NKAIN3: variants seen among roughly 807,000 people sequenced by gnomAD.
The protein encoded by NKAIN3 is sodium/potassium-transporting ATPase subunit beta-1-interacting protein 3.
Under a neutral mutation model 30.2 loss-of-function variants are expected in NKAIN3, and 25 were observed. That is an observed-to-expected ratio of 0.83 (90% CI 0.60 to 1.16). The LOEUF (loss-of-function observed/expected upper bound fraction) is 1.16, where lower values mean the gene tolerates loss of function less well. Among genes scored for constraint, NKAIN3 ranks in the 50% most tolerant of loss-of-function variants. The pLI is 0.00. For synonymous variants in NKAIN3, 91 were observed against 89.6 expected, an observed-to-expected ratio of 1.02 and a Z score of -0.09; for missense variants, 225 against 254.1, an observed-to-expected ratio of 0.89 and a Z score of 0.78.
At position 62,927,533 on chromosome 8, in the gene NKAIN3, C is replaced by T. The variant is rs1414454195; in HGVS notation, c.532+9020C>T. Reference sequence around the variant, plus strand: ...ACAAATATTTAAGTGATGTATATCCCAAGTACACTGATTTGATCTTTGCAA... The same window carrying T: ...ACAAATATTTAAGTGATGTATATCCTAAGTACACTGATTTGATCTTTGCAA... On this transcript the variant is annotated intron_variant, in intron 5 of 6. Transcript: ENST00000623646. Among the ~76,000 whole-genome samples the T allele has an allele frequency of 2.0e-5, 3 of 151,960 alleles. No individual in the cohort carries two copies. In the East Asian group the frequency reaches 5.8e-4, roughly 29 times the overall value.
At chr8:62,809,638 T>G (rs944831115) in intron 4 of NKAIN3, among the ~76,000 whole-genome samples, 19 of 152,322 alleles carry the variant, frequency 1.2e-4, no homozygotes, top group African/African-American at 4.6e-4. Context: ...GCATTTATCT[T>G]ATCAAAATAA....
intron 1 of NKAIN3, among the ~76,000 whole-genome samples, chr8:62,374,897 C>G (rs1817027968): frequency 6.6e-6 from 1 of 152,120 alleles, no homozygotes; most frequent in East Asian, 1.9e-4. Context: ...ACAACTAAAT[C>G]CTGTATGCAC....
At chr8:62,316,908 C>G (rs1814656603) in intron 1 of NKAIN3, among the ~76,000 whole-genome samples, 1 of 152,128 alleles carries the variant, frequency 6.6e-6, no homozygotes, top group African/African-American at 2.4e-5. Flanking sequence ...TGTAAGTGTT[C>G]TTATTTCCCC....
chr8:62,911,249 A>C (rs1247743543), intron 4 of NKAIN3, among the ~76,000 whole-genome samples: 4 of 152,178 alleles, frequency 2.6e-5, no homozygotes, highest in Non-Finnish European at 5.9e-5. Flanking sequence ...TACACTGGAA[A>C]AGTCCCATAG....
At chr8:62,722,592 A>G (rs1815126091) in intron 3 of NKAIN3, among the ~76,000 whole-genome samples, 1 of 152,200 alleles carries the variant, frequency 6.6e-6, no homozygotes, top group Non-Finnish European at 1.5e-5. Context: ...AATCTGCAAG[A>G]TTGGTATGAT....
intron 5 of NKAIN3, among the ~76,000 whole-genome samples, chr8:62,924,466 A>T (rs1334946160): frequency 6.6e-6 from 1 of 152,204 alleles, no homozygotes; most frequent in Non-Finnish European, 1.5e-5. Flanking sequence ...ATATTAAATG[A>T]ATGAGTCAAT....
intron 1 of NKAIN3, among the ~76,000 whole-genome samples, chr8:62,375,284 G>A (rs1480535698): frequency 6.6e-6 from 1 of 152,158 alleles, no homozygotes; most frequent in Non-Finnish European, 1.5e-5. Flanking sequence ...TAAGGTCCAT[G>A]AATCCTATGA....
At chr8:62,845,711 C>T (rs780486354) in intron 4 of NKAIN3, among the ~76,000 whole-genome samples, 3 of 152,020 alleles carry the variant, frequency 2.0e-5, no homozygotes, top group Non-Finnish European at 4.4e-5. Flanking sequence ...AAAATTCTGG[C>T]AGGCAGGACT....
chr8:62,433,387 A>G (rs1805075761), intron 1 of NKAIN3, among the ~76,000 whole-genome samples: 1 of 152,180 alleles, frequency 6.6e-6, no homozygotes, highest in Non-Finnish European at 1.5e-5. Context: ...AGTTACAGAT[A>G]TTAGTAAAAT....
At chr8:62,654,485 T>C (rs1187732804) in intron 3 of NKAIN3, among the ~76,000 whole-genome samples, 1 of 152,006 alleles carries the variant, frequency 6.6e-6, no homozygotes, top group Non-Finnish European at 1.5e-5. Flanking sequence ...TTCAGAGCAG[T>C]TGGGACAAGA....
chr8:62,703,980 G>T (rs975960120), intron 3 of NKAIN3, among the ~76,000 whole-genome samples: 2 of 152,028 alleles, frequency 1.3e-5, no homozygotes, highest in Non-Finnish European at 1.5e-5. Flanking sequence ...GACTTGATTG[G>T]ATATTGGTCC....
intron 4 of NKAIN3, among the ~76,000 whole-genome samples, chr8:62,858,515 A>G (rs1385823451): frequency 6.6e-6 from 1 of 152,120 alleles, no homozygotes; most frequent in African/African-American, 2.4e-5. Context: ...CATCCCAGGG[A>G]AAGATCAGAA....
At chr8:62,388,064 T>C (rs989953125) in intron 1 of NKAIN3, among the ~76,000 whole-genome samples, 1 of 152,240 alleles carries the variant, frequency 6.6e-6, no homozygotes, top group Non-Finnish European at 1.5e-5. Flanking sequence ...TGTAACTGGC[T>C]TTTTAACACC....
chr8:62,856,253 A>T (rs1820056045), intron 4 of NKAIN3: 1 of 884,038 alleles, frequency 1.1e-6, no homozygotes, highest in Non-Finnish European at 1.9e-6. Context: ...ATAGAGCTTT[A>T]TTGGAGAAGG....
intron 5 of NKAIN3, among the ~76,000 whole-genome samples, chr8:62,943,821 TAC>T (rs1563639321): frequency 6.7e-6 from 1 of 149,298 alleles, no homozygotes; most frequent in Non-Finnish European, 1.5e-5. Context: ...TATATATATA[TAC>T]ACCATGGACT....
At chr8:62,364,558 T>A (rs180892574) in intron 1 of NKAIN3, among the ~76,000 whole-genome samples, 198 of 152,072 alleles carry the variant, frequency 1.3e-3, no homozygotes, top group African/African-American at 4.3e-3. Context: ...AAAAAAATCA[T>A]CTGGCTGGGC....
At chr8:62,406,885 A>C (rs796267142) in intron 1 of NKAIN3, among the ~76,000 whole-genome samples, 9 of 152,324 alleles carry the variant, frequency 5.9e-5, no homozygotes, top group African/African-American at 2.2e-4. Flanking sequence ...CTTTCATGAA[A>C]AATATTCATT....
intron 1 of NKAIN3, among the ~76,000 whole-genome samples, chr8:62,349,303 G>T (rs1816110192): frequency 6.6e-6 from 1 of 152,130 alleles, no homozygotes; most frequent in Non-Finnish European, 1.5e-5. Context: ...AAGCTGCCTT[G>T]TTTTAGAGGG....
chr8:62,797,808 C>T (rs1817912481), intron 4 of NKAIN3, among the ~76,000 whole-genome samples: 1 of 152,070 alleles, frequency 6.6e-6, no homozygotes, highest in Admixed American at 6.6e-5. Context: ...GATACGGTCA[C>T]AGTGGAGTAG....
Sources: allele counts gnomAD v4.1 joint callset (sites outside exome capture counted in the v4.1 genomes callset), GRCh38; gene constraint gnomAD v4.1.1; transcripts MANE v1.5; gene names NCBI Gene and HGNC (gene_info 2026-07-23, HGNC 2026-07-21).